PRKAG2: variants seen among roughly 807,000 people sequenced by gnomAD.
The protein encoded by PRKAG2 is 5'-AMP-activated protein kinase subunit gamma-2.
In PRKAG2, 26 loss-of-function variants were observed where a neutral mutation model predicts 69.6. The ratio of observed to expected loss-of-function variants is 0.37; its 90% CI spans 0.27 to 0.52. The LOEUF is 0.52. PRKAG2 is among the 20% of genes least tolerant of loss of function. The probability of loss-of-function intolerance (pLI) is 0.90; values close to 1 mark genes in which losing one functional copy is unlikely to be tolerated. For synonymous variants in PRKAG2, 293 were observed against 285.0 expected, an observed-to-expected ratio of 1.03 and a Z score of -0.28; for missense variants, 557 against 740.0, an observed-to-expected ratio of 0.75 and a Z score of 2.87.
intron 1 of PRKAG2, among the ~76,000 whole-genome samples, chr7:151,796,938 G>T (rs998020563): frequency 6.6e-6 from 1 of 152,116 alleles, no homozygotes; most frequent in African/African-American, 2.4e-5. Flanking sequence ...GCCAGCTCTG[G>T]GGTTCTGGGG....
chr7:151,697,189 C>A (rs890296470), intron 3 of PRKAG2, among the ~76,000 whole-genome samples: 1 of 152,062 alleles, frequency 6.6e-6, no homozygotes, highest in Non-Finnish European at 1.5e-5. Flanking sequence ...TGCTGGGGAA[C>A]GGGGGGTGGT....
rs1377965839 is a variant in PRKAG2 at position 151,876,779 on chromosome 7, G to GCGCGGC, written c.-165_-160dup. On this transcript the variant is annotated 5_prime_UTR_variant, in exon 1 of 16. Transcript: ENST00000287878. ...GAGAGGGAGGGTGAGCAGGGAACTCGCGCGGCCGCCGCCGCCGCCGAAGCG... is the reference window on the plus strand; with the variant it reads ...GAGAGGGAGGGTGAGCAGGGAACTCGCGCGGCCGCGGCCGCCGCCGCCGCCGAAGCG... 4.0e-5 allele frequency: 30 copies of GCGCGGC among 743,512 alleles called. No individual in the cohort carries two copies. The highest frequency in any genetic ancestry group is 2.3e-4 in the South Asian group (15 of 64,864). The allele number at this position is 743,512 out of a possible 1,614,324, so 46.1% of individuals were successfully genotyped here.
At chr7:151,679,895 T>C in intron 3 of PRKAG2, among the ~76,000 whole-genome samples, 1 of 137,808 alleles carries the variant, frequency 7.3e-6, no homozygotes, top group Non-Finnish European at 1.6e-5. Context: ...CAAGACCCTG[T>C]CTCTATTAAA....
At chr7:151,602,678 G>C (rs940250458) in intron 5 of PRKAG2, among the ~76,000 whole-genome samples, 2 of 152,098 alleles carry the variant, frequency 1.3e-5, no homozygotes, top group Non-Finnish European at 2.9e-5. Context: ...TATTGATATG[G>C]TTTGGCTTCG....
intron 3 of PRKAG2, among the ~76,000 whole-genome samples, chr7:151,705,565 A>G (rs113654979): frequency 2.0e-5 from 3 of 152,300 alleles, no homozygotes; most frequent in African/African-American, 7.2e-5. Flanking sequence ...GGGGAGGGCT[A>G]CGTCTTTTCA....
intron 3 of PRKAG2, among the ~76,000 whole-genome samples, chr7:151,693,390 T>C (rs935807947): frequency 9.9e-5 from 15 of 151,984 alleles, no homozygotes; most frequent in African/African-American, 3.4e-4. Context: ...AGAGAGGAGT[T>C]TGCAGGCCTG....
intron 3 of PRKAG2, among the ~76,000 whole-genome samples, chr7:151,720,832 G>C (rs1172581790): frequency 2.1e-5 from 3 of 142,154 alleles, no homozygotes; most frequent in Non-Finnish European, 4.6e-5. Context: ...GGGGATAGAG[G>C]GGACAGAAGG....
intron 1 of PRKAG2, among the ~76,000 whole-genome samples, chr7:151,863,556 G>A (rs370657825): frequency 1.3e-5 from 2 of 151,658 alleles, no homozygotes; most frequent in African/African-American, 4.8e-5. Context: ...CTCACCAGCT[G>A]AGCATAACCT....
intron 5 of PRKAG2, among the ~76,000 whole-genome samples, chr7:151,602,493 A>G (rs1297374159): frequency 6.6e-6 from 1 of 152,210 alleles, no homozygotes; most frequent in Non-Finnish European, 1.5e-5. Flanking sequence ...AAAATCTGTA[A>G]GTTTGGTGTT....
chr7:151,673,111 G>A (rs1832334862), intron 4 of PRKAG2, among the ~76,000 whole-genome samples: 1 of 152,150 alleles, frequency 6.6e-6, no homozygotes, highest in Non-Finnish European at 1.5e-5. Context: ...TTTCAACTGG[G>A]AAGGCTCTGG....
chr7:151,876,387 C>A, intron 1 of PRKAG2, 120 bp downstream of exon 1: 5 of 1,007,238 alleles, frequency 5.0e-6, no homozygotes, highest in Admixed American at 1.8e-5. Context: ...CCCCAAGCCG[C>A]CCGAAGTGAC....
chr7:151,596,595 A>C (rs949091085), intron 5 of PRKAG2, among the ~76,000 whole-genome samples: 7 of 152,076 alleles, frequency 4.6e-5, no homozygotes, highest in Admixed American at 1.3e-4. Context: ...CTAAAAATAC[A>C]AAAATTAGCT....
chr7:151,867,122 A>AC (rs1472820986), intron 1 of PRKAG2, among the ~76,000 whole-genome samples: 2 of 151,954 alleles, frequency 1.3e-5, no homozygotes, highest in African/African-American at 4.8e-5. Context: ...GGACGCTGGG[A>AC]CCCCTTCCTG....
intron 6 of PRKAG2, 112 bp downstream of exon 6, chr7:151,595,233 T>C (rs1033253364): frequency 5.2e-5 from 39 of 755,440 alleles, no homozygotes; most frequent in South Asian, 3.7e-4. Context: ...CAGTGCCCGA[T>C]AGTGCAAAGG....
At chr7:151,808,823 C>T (rs1323934041) in intron 1 of PRKAG2, among the ~76,000 whole-genome samples, 1 of 152,186 alleles carries the variant, frequency 6.6e-6, no homozygotes, top group East Asian at 1.9e-4. Context: ...GGAGCAGCTG[C>T]AAGTCCTGCA....
intron 1 of PRKAG2, among the ~76,000 whole-genome samples, chr7:151,860,693 C>T (rs1016410146): frequency 1.3e-5 from 2 of 152,170 alleles, no homozygotes; most frequent in African/African-American, 2.4e-5. Context: ...CCCCATTAGA[C>T]AGCAAATGCC....
chr7:151,687,912 C>T lies in PRKAG2; in HGVS notation c.467-12275G>A, dbSNP rs541119233. 3.7e-4 allele frequency among the ~76,000 whole-genome samples: 56 copies of T among 152,304 alleles called. No homozygotes were observed. The South Asian group carries it at 0.011, about 30-fold the overall frequency. On this transcript the variant is annotated intron_variant, in intron 3 of 15. Transcript: ENST00000287878. ...CTTGGGCTGCCTCTCCGTGTCCACCCTCCTCCCCAACGGGGCTCCCTCGGC... is the reference window on the plus strand; with the variant it reads ...CTTGGGCTGCCTCTCCGTGTCCACCTTCCTCCCCAACGGGGCTCCCTCGGC...
intron 4 of PRKAG2, among the ~76,000 whole-genome samples, chr7:151,637,834 A>G (rs952844735): frequency 6.6e-6 from 1 of 152,134 alleles, no homozygotes; most frequent in Non-Finnish European, 1.5e-5. Flanking sequence ...CAGAACTTGA[A>G]GCTGGTGGTC....
At chr7:151,558,989 G>C (rs973094334) in intron 15 of PRKAG2, 10 of 985,408 alleles carry the variant, frequency 1.0e-5, no homozygotes, top group Non-Finnish European at 1.2e-5. Flanking sequence ...TGACCCGCTG[G>C]GCAGACTGTG....
Sources: gnomAD v4.1 joint callset for allele counts (sites outside exome capture counted in the v4.1 genomes callset) on GRCh38, gnomAD v4.1.1 for gene constraint, MANE v1.5 for transcripts, NCBI Gene and HGNC (gene_info 2026-07-23, HGNC 2026-07-21) for gene names.